The following STATH variants were observed in gnomAD, a reference collection of about 807,000 sequenced individuals.
STATH encodes the protein statherin.
A neutral mutation model predicts 13.3 loss-of-function variants in STATH; 11 were observed. The observed-to-expected ratio is 0.83, with a 90% CI of 0.52 to 1.37. The LOEUF is 1.37. Ranked by LOEUF, STATH falls within the 40% of genes most tolerant of loss-of-function variation. The probability of loss-of-function intolerance (pLI) is 0.00; values close to 1 mark genes in which losing one functional copy is unlikely to be tolerated. For missense variants in STATH, 78 were observed against 73.3 expected (o/e 1.06, Z -0.24); for synonymous variants, 25 against 23.6 (o/e 1.06, Z -0.17).
intron 1 of STATH, among the ~76,000 whole-genome samples, chr4:69,997,242 G>A (rs576309024): frequency 1.3e-5 from 2 of 152,002 alleles, no homozygotes; most frequent in South Asian, 2.1e-4. Flanking sequence ...CACCACACCC[G>A]GCCAGAAATT....
At position 70,000,893 on chromosome 4, in the gene STATH, G is replaced by C. The variant is rs1411005062; in HGVS notation, c.133G>C (p.Glu45Gln). ...YGYGPYQPVP[E>Q]QPLYPQPYQP... is the part of the protein sequence containing the mutation. Reference sequence around the variant, plus strand: ...GTATGGCCCTTATCAGCCAGTTCCAGAACAACCACTATACCCACAACCATA... The same window carrying C: ...GTATGGCCCTTATCAGCCAGTTCCACAACAACCACTATACCCACAACCATA... Residue 45 changes from glutamate to glutamine, a missense_variant, in exon 5 of 6, where the codon GAA (glutamate) becomes CAA (glutamine). By Grantham distance (29) the Glu-to-Gln change is conservative. Coordinates refer to ENST00000246895, the MANE Select transcript of STATH (RefSeq NM_003154.3). 6.2e-7 allele frequency: 1 copy of C among 1,611,916 alleles called. No individual in the cohort carries two copies. Among genetic ancestry groups the C allele is most frequent in the African/African-American group, 1.3e-5 (1 of 74,746 alleles).
chr4:69,998,071 C>A (rs999963664), intron 1 of STATH, among the ~76,000 whole-genome samples: 3 of 151,964 alleles, frequency 2.0e-5, no homozygotes, highest in African/African-American at 7.2e-5. Flanking sequence ...AATATGGTAT[C>A]CTCCCTCTTT....
chr4:69,996,771 T>C (rs1301548154), intron 1 of STATH, among the ~76,000 whole-genome samples: 2 of 152,002 alleles, frequency 1.3e-5, no homozygotes, highest in African/African-American at 2.4e-5. Context: ...CATTTTTTGA[T>C]TCCATACTTT....
rs766117728 is a variant in STATH, at chr4:69,999,806, C to T, written c.99C>T (p.Phe33=). 17 of 1,611,698 alleles carry T rather than the reference C, an allele frequency of 1.1e-5. No homozygotes were observed. The highest frequency in any genetic ancestry group is 5.3e-5 in the African/African-American group (4 of 74,810). ...AATTTTTGCGTAGAATTGGAAGATT[C>T]GGTGTAAGTGTTCTCTGATAATGCT... ...EEKFLRRIGR[F]GYGYGPYQPV... Residue 33 remains phenylalanine, a synonymous_variant, in exon 4 of 6, where the codon TTC becomes TTT. Transcript: ENST00000246895.
chr4:70,000,314 AG>A (rs1258808758), intron 4 of STATH: 1 of 160,328 alleles, frequency 6.2e-6, no homozygotes, highest in Non-Finnish European at 1.4e-5. Flanking sequence ...TCAATGTGAT[AG>A]GGTTGCAAAA....
chr4:69,997,910 CTG>C, intron 1 of STATH, among the ~76,000 whole-genome samples: 1 of 152,258 alleles, frequency 6.6e-6, no homozygotes, highest in East Asian at 1.9e-4. Context: ...TCTCTTTACA[CTG>C]TACCTTAAAT....
At chr4:69,998,530 T>C (rs761488908) in intron 2 of STATH, 42 bp downstream of exon 2, 2 of 1,539,364 alleles carry the variant, frequency 1.3e-6, no homozygotes, top group African/African-American at 1.4e-5. Context: ...TCTCAGTACC[T>C]ATCCCAAGAG....
intron 4 of STATH, chr4:70,000,251 A>C (rs1376660624): frequency 6.0e-6 from 1 of 165,594 alleles, no homozygotes. Flanking sequence ...TCATTTATTT[A>C]ACATTTTTCT....
intron 4 of STATH, 93 bp from the exon 5 acceptor site, chr4:70,000,770 C>T: frequency 1.1e-6 from 1 of 930,750 alleles, no homozygotes; most frequent in South Asian, 1.5e-5. Flanking sequence ...ATGTAAGTTC[C>T]TAAAACTTTA....
intron 4 of STATH, 41 bp downstream of exon 4, chr4:69,999,850 G>A (rs778354909): frequency 1.2e-6 from 2 of 1,603,642 alleles, no homozygotes; most frequent in South Asian, 1.1e-5. Flanking sequence ...CAAATAAATT[G>A]TGTTCTCTGA....
intron 1 of STATH, among the ~76,000 whole-genome samples, chr4:69,998,088 T>G (rs1724557116): frequency 1.3e-5 from 2 of 152,128 alleles, no homozygotes; most frequent in African/African-American, 2.4e-5. Flanking sequence ...CTTTTTCATT[T>G]TCTTGCAGTC....
At chr4:69,999,909 G>A in intron 4 of STATH, 100 bp downstream of exon 4, 2 of 1,356,410 alleles carry the variant, frequency 1.5e-6, no homozygotes, top group Admixed American at 1.9e-5. Context: ...AATATGTGTA[G>A]TAGTTGCAAA....
At chr4:69,998,250 C>T in intron 1 of STATH, 173 bp from the exon 2 acceptor site, 1 of 562,744 alleles carries the variant, frequency 1.8e-6, no homozygotes, top group Non-Finnish European at 3.2e-6. Flanking sequence ...CTCACTTTTA[C>T]TTATCAGTGT....
chr4:70,000,478 C>T (rs1724626901), intron 4 of STATH: 1 of 178,640 alleles, frequency 5.6e-6, no homozygotes. Context: ...AAAAGAGTGA[C>T]TTGAAGAAAC....
At chr4:70,000,530 A>T (rs1003548684) in intron 4 of STATH, among the ~76,000 whole-genome samples, 4 of 151,736 alleles carry the variant, frequency 2.6e-5, no homozygotes, top group African/African-American at 9.7e-5. Context: ...TTCCCATAAT[A>T]CTCAAAGGTG....
At chr4:69,999,570 G>A in intron 2 of STATH, 97 bp from the exon 3 acceptor site, 2 of 1,220,050 alleles carry the variant, frequency 1.6e-6, no homozygotes, top group East Asian at 2.5e-5. Flanking sequence ...CCTACATCCT[G>A]TTTACTCACA....
intron 2 of STATH, 115 bp from the exon 3 acceptor site, chr4:69,999,552 A>T: frequency 2.0e-6 from 2 of 976,958 alleles, no homozygotes; most frequent in Non-Finnish European, 3.1e-6. Context: ...GTGTCTATCG[A>T]TGATTTGCCT....
chr4:70,000,046 A>G (rs947096291), intron 4 of STATH: 5 of 521,554 alleles, frequency 9.6e-6, no homozygotes, highest in Non-Finnish European at 1.7e-5. Context: ...TGAGCCCTCA[A>G]GTATCATCTC....
chr4:69,998,468 G>T lies in STATH; in HGVS notation c.31G>T (p.Ala11Ser). The T allele has an allele frequency of 6.2e-7, 1 of 1,612,486 alleles. No individual in the cohort carries two copies. Among genetic ancestry groups the T allele is most frequent in the Non-Finnish European group, 8.5e-7 (1 of 1,179,036 alleles). ...GTTCCTTGTCTTTGCCTTCATCTTG[G>T]CTCTCATGGTTTCCATGATTGTAAG... is the stretch of plus-strand genomic sequence containing the variant. Reference protein sequence around the residue: MKFLVFAFILALMVSMIGADS... With the variant: MKFLVFAFILSLMVSMIGADS... The change falls in exon 2 of 6, where the codon GCT becomes TCT. Residue 11 changes from alanine (A) to serine (S), a missense_variant. Coordinates refer to ENST00000246895, the MANE Select transcript of STATH (RefSeq NM_003154.3).
Sources: gnomAD v4.1 joint callset for allele counts (sites outside exome capture counted in the v4.1 genomes callset) on GRCh38, gnomAD v4.1.1 for gene constraint, MANE v1.5 for transcripts, NCBI Gene and HGNC (gene_info 2026-07-23, HGNC 2026-07-21) for gene names.